CDC42BPA: variants seen among roughly 807,000 people sequenced by gnomAD.
The protein encoded by CDC42BPA is serine/threonine-protein kinase MRCK alpha.
In CDC42BPA, 80 loss-of-function variants were observed where a neutral mutation model predicts 223.5. The ratio of observed to expected loss-of-function variants is 0.36; its 90% CI spans 0.30 to 0.43. The LOEUF is 0.43. CDC42BPA is among the 20% of genes least tolerant of loss of function. CDC42BPA has a pLI of 1.00. For missense variants in CDC42BPA, 1,743 were observed against 2,099.9 expected (o/e 0.83, Z 3.32); for synonymous variants, 694 against 718.6 (o/e 0.97, Z 0.55).
At chr1:227,116,559 T>C (rs930167611) in intron 12 of CDC42BPA, among the ~76,000 whole-genome samples, 4 of 152,198 alleles carry the variant, frequency 2.6e-5, no homozygotes, top group Non-Finnish European at 5.9e-5. Flanking sequence ...TTCTAGCTAA[T>C]ACAGTAAAAC....
chr1:227,127,423 A>C (rs1465587257), intron 11 of CDC42BPA, among the ~76,000 whole-genome samples: 3 of 152,262 alleles, frequency 2.0e-5, no homozygotes, highest in Non-Finnish European at 4.4e-5. Context: ...AAAATTAATT[A>C]GCAAGCTTTC....
intron 2 of CDC42BPA, among the ~76,000 whole-genome samples, chr1:227,230,919 C>T (rs772943141): frequency 6.8e-6 from 1 of 146,278 alleles, no homozygotes; most frequent in Non-Finnish European, 1.5e-5. Flanking sequence ...CACCCGGGTT[C>T]AAGCGATTCC....
intron 1 of CDC42BPA, among the ~76,000 whole-genome samples, chr1:227,278,615 T>C (rs1205404484): frequency 6.6e-6 from 1 of 152,228 alleles, no homozygotes; most frequent in Non-Finnish European, 1.5e-5. Flanking sequence ...TCAATTAGTA[T>C]TAAACTTTAC....
chr1:227,257,870 C>T (rs1349944619), intron 1 of CDC42BPA, among the ~76,000 whole-genome samples: 1 of 150,636 alleles, frequency 6.6e-6, no homozygotes, highest in African/African-American at 2.5e-5. Flanking sequence ...ACATACAGAC[C>T]TACTAGAACT....
chr1:227,093,874 C>T (rs1287012088), intron 15 of CDC42BPA, among the ~76,000 whole-genome samples: 2 of 152,180 alleles, frequency 1.3e-5, no homozygotes, highest in Non-Finnish European at 2.9e-5. Flanking sequence ...TCTGAACTCT[C>T]GTATTGCTTC....
chr1:227,158,339 C>T (rs1487683933), intron 6 of CDC42BPA, among the ~76,000 whole-genome samples: 2 of 152,078 alleles, frequency 1.3e-5, no homozygotes, highest in African/African-American at 4.8e-5. Flanking sequence ...TTTTATCTGA[C>T]TCTGTATCAC....
At chr1:227,045,429 G>A (rs1278358345) in intron 23 of CDC42BPA, among the ~76,000 whole-genome samples, 1 of 152,140 alleles carries the variant, frequency 6.6e-6, no homozygotes, top group African/African-American at 2.4e-5. Context: ...CTCACACAAT[G>A]ATGTGACTGG....
intron 1 of CDC42BPA, among the ~76,000 whole-genome samples, chr1:227,315,884 A>C (rs1034110401): frequency 2.0e-5 from 3 of 151,258 alleles, no homozygotes; most frequent in Non-Finnish European, 4.4e-5. Flanking sequence ...TGAATAATTA[A>C]AGTTATTACG....
intron 2 of CDC42BPA, among the ~76,000 whole-genome samples, chr1:227,218,547 A>C (rs184147705): frequency 2.6e-4 from 39 of 152,330 alleles, no homozygotes; most frequent in African/African-American, 9.1e-4. Flanking sequence ...TTAGTAAACT[A>C]ATGTTTGGAG....
intron 6 of CDC42BPA, among the ~76,000 whole-genome samples, chr1:227,149,501 G>GAA (rs1337197844): frequency 6.6e-6 from 1 of 151,934 alleles, no homozygotes; most frequent in Non-Finnish European, 1.5e-5. Flanking sequence ...CCAACAAACA[G>GAA]AACAATAGAT....
intron 21 of CDC42BPA, among the ~76,000 whole-genome samples, chr1:227,057,200 T>A (rs1674761187): frequency 6.6e-6 from 1 of 152,174 alleles, no homozygotes; most frequent in African/African-American, 2.4e-5. Context: ...TCATTTGTAT[T>A]TGGACATTAA....
At chr1:227,135,331 C>T (rs1658265102) in intron 10 of CDC42BPA, among the ~76,000 whole-genome samples, 1 of 152,128 alleles carries the variant, frequency 6.6e-6, no homozygotes, top group Non-Finnish European at 1.5e-5. Context: ...TCCGATAGTA[C>T]AGAATTATTT....
intron 3 of CDC42BPA, among the ~76,000 whole-genome samples, chr1:227,203,607 T>C (rs1672173859): frequency 6.6e-6 from 1 of 152,174 alleles, no homozygotes; most frequent in Admixed American, 6.5e-5. Flanking sequence ...ACAGAATATT[T>C]GATATCTAAG....
chr1:227,012,438 T>C (rs1174154305), intron 34 of CDC42BPA, among the ~76,000 whole-genome samples: 3 of 151,502 alleles, frequency 2.0e-5, no homozygotes, highest in Non-Finnish European at 3.0e-5. Flanking sequence ...GGTTTGCATC[T>C]GATAGAGGAA....
At chr1:227,200,442 AAAC>A (rs1553392031) in intron 3 of CDC42BPA, among the ~76,000 whole-genome samples, 1 of 85,418 alleles carries the variant, frequency 1.2e-5, no homozygotes, top group African/African-American at 5.9e-5. Flanking sequence ...AAAAACAAAC[AAAC>A]AAAAAAAAAA....
chr1:227,258,779 G>T (rs775836810), intron 1 of CDC42BPA, among the ~76,000 whole-genome samples: 2 of 150,874 alleles, frequency 1.3e-5, no homozygotes, highest in Non-Finnish European at 2.9e-5. Context: ...TTTATACAAA[G>T]ATATGTTCTT....
chr1:227,170,669 G>C (rs907653915), intron 5 of CDC42BPA, among the ~76,000 whole-genome samples: 2 of 152,074 alleles, frequency 1.3e-5, no homozygotes, highest in Non-Finnish European at 2.9e-5. Context: ...CATATGCATT[G>C]AATGACTGAT....
chr1:227,253,111 T>C (rs931858873), intron 2 of CDC42BPA, among the ~76,000 whole-genome samples: 1 of 152,120 alleles, frequency 6.6e-6, no homozygotes, highest in Non-Finnish European at 1.5e-5. Flanking sequence ...TCAGTAGTAT[T>C]GTTAAAATGC....
At chr1:227,265,625 C>G (rs892331519) in intron 1 of CDC42BPA, among the ~76,000 whole-genome samples, 2 of 148,056 alleles carry the variant, frequency 1.4e-5, no homozygotes, top group African/African-American at 5.0e-5. Flanking sequence ...AGCGAGACTC[C>G]GTCTTAAAAA....
Sources: allele counts gnomAD v4.1 joint callset (sites outside exome capture counted in the v4.1 genomes callset), GRCh38; gene constraint gnomAD v4.1.1; transcripts MANE v1.5; gene names NCBI Gene and HGNC (gene_info 2026-07-23, HGNC 2026-07-21).